Variants in CBFA2T2 observed in about 807,000 individuals in gnomAD.
CBFA2T2 encodes protein CBFA2T2.
A neutral mutation model predicts 62.2 loss-of-function variants in CBFA2T2; 11 were observed. The observed-to-expected ratio is 0.18, with a 90% CI of 0.11 to 0.29. The LOEUF (loss-of-function observed/expected upper bound fraction) is 0.29, where lower values mean the gene tolerates loss of function less well. Among genes scored for constraint, CBFA2T2 ranks in the 10% least tolerant of loss-of-function variants. CBFA2T2 has a pLI of 1.00. For synonymous variants in CBFA2T2, 295 were observed against 287.5 expected (o/e 1.03, Z -0.27); for missense variants, 592 against 774.1 (o/e 0.76, Z 2.79).
chr20:33,551,416 A>G (rs1165002939), intron 1 of CBFA2T2, among the ~76,000 whole-genome samples: 1 of 151,946 alleles, frequency 6.6e-6, no homozygotes, highest in Non-Finnish European at 1.5e-5. Context: ...GGGTTTCTCC[A>G]TGTTAGTCAG....
At chr20:33,554,281 G>A (rs1166659637) in intron 1 of CBFA2T2, among the ~76,000 whole-genome samples, 1 of 138,998 alleles carries the variant, frequency 7.2e-6, no homozygotes, top group African/African-American at 2.6e-5. Context: ...TTCAGACAGT[G>A]TTGCTCTGTC....
At chr20:33,551,936 C>T (rs1045585088) in intron 1 of CBFA2T2, among the ~76,000 whole-genome samples, 4 of 151,540 alleles carry the variant, frequency 2.6e-5, no homozygotes, top group Admixed American at 6.6e-5. Flanking sequence ...TTTCTGCTTA[C>T]GTAAAATTCT....
At chr20:33,504,233 CATGTT>C (rs997774302) in intron 1 of CBFA2T2, among the ~76,000 whole-genome samples, 2 of 151,898 alleles carry the variant, frequency 1.3e-5, no homozygotes, top group African/African-American at 4.8e-5. Context: ...TGTTGAGTAA[CATGTT>C]ATGTTCACCA....
chr20:33,496,005 C>T (rs949567215), intron 1 of CBFA2T2, among the ~76,000 whole-genome samples: 2 of 152,122 alleles, frequency 1.3e-5, no homozygotes, highest in African/African-American at 4.8e-5. Context: ...GGGTCTCAGT[C>T]TAGGAGGGGC....
chr20:33,497,590 G>C (rs1230791401), intron 1 of CBFA2T2, among the ~76,000 whole-genome samples: 2 of 134,508 alleles, frequency 1.5e-5, no homozygotes, highest in African/African-American at 5.7e-5. Flanking sequence ...TCACTCTGTC[G>C]CTAGGCTACA....
chr20:33,504,328 G>T (rs144524418), intron 1 of CBFA2T2, among the ~76,000 whole-genome samples: 180 of 151,698 alleles, frequency 1.2e-3, no homozygotes, highest in African/African-American at 4.1e-3. Flanking sequence ...TCTGCATGTG[G>T]ACATATGTTT....
At chr20:33,600,661 T>C (rs770629803) in intron 1 of CBFA2T2, among the ~76,000 whole-genome samples, 8 of 152,204 alleles carry the variant, frequency 5.3e-5, no homozygotes, top group Non-Finnish European at 1.2e-4. Context: ...GGAGAGCCCA[T>C]GTAGCCTTTC....
At chr20:33,541,501 G>C (rs1349006205) in intron 1 of CBFA2T2, among the ~76,000 whole-genome samples, 1 of 152,218 alleles carries the variant, frequency 6.6e-6, no homozygotes, top group Non-Finnish European at 1.5e-5. Context: ...ATTAGGTCTA[G>C]GGCTTTCTAG....
chr20:33,538,058 G>A (rs1424228405), intron 1 of CBFA2T2, among the ~76,000 whole-genome samples: 1 of 150,986 alleles, frequency 6.6e-6, no homozygotes, highest in African/African-American at 2.4e-5. Flanking sequence ...TCTGTTTGGG[G>A]GAAGAGCTGA....
At chr20:33,638,360 T>C (rs1031950876) in intron 9 of CBFA2T2, among the ~76,000 whole-genome samples, 8 of 152,200 alleles carry the variant, frequency 5.3e-5, no homozygotes, top group African/African-American at 1.9e-4. Flanking sequence ...AGCCCAACTT[T>C]GGTGTTGGGC....
intron 1 of CBFA2T2, among the ~76,000 whole-genome samples, chr20:33,560,901 C>T (rs531692796): frequency 3.0e-4 from 45 of 152,120 alleles, no homozygotes; most frequent in Admixed American, 2.2e-3. Flanking sequence ...TTTTTTGAGA[C>T]GGAGTCTCGC....
chr20:33,600,492 A>G, intron 1 of CBFA2T2: 1 of 416,138 alleles, frequency 2.4e-6, no homozygotes, highest in Non-Finnish European at 4.8e-6. Context: ...CCGGCCTGGA[A>G]ATTCTTACCA....
intron 1 of CBFA2T2, among the ~76,000 whole-genome samples, chr20:33,514,305 C>CT (rs1203127500): frequency 4.1e-5 from 6 of 147,870 alleles, no homozygotes; most frequent in African/African-American, 1.5e-4. Flanking sequence ...ACCTCCACCT[C>CT]TTGGGTTCAA....
intron 1 of CBFA2T2, among the ~76,000 whole-genome samples, chr20:33,527,772 G>A (rs1368790198): frequency 6.6e-6 from 1 of 152,000 alleles, no homozygotes; most frequent in Non-Finnish European, 1.5e-5. Context: ...TCGAATGCCT[G>A]ACCTCAGGTG....
At chr20:33,608,880 C>T (rs1489936572) in intron 2 of CBFA2T2, among the ~76,000 whole-genome samples, 2 of 152,116 alleles carry the variant, frequency 1.3e-5, no homozygotes, top group Non-Finnish European at 2.9e-5. Flanking sequence ...TTTCCAATGG[C>T]AATTGACCTT....
chr20:33,569,095 T>G (rs1446363461), intron 1 of CBFA2T2, among the ~76,000 whole-genome samples: 4 of 152,210 alleles, frequency 2.6e-5, no homozygotes, highest in African/African-American at 9.6e-5. Context: ...ATGGAAAATT[T>G]TAGTCACTGC....
chr20:33,547,668 G>A (rs1450947622), intron 1 of CBFA2T2, among the ~76,000 whole-genome samples: 5 of 150,840 alleles, frequency 3.3e-5, no homozygotes, highest in African/African-American at 9.8e-5. Context: ...GCAACAGAGC[G>A]AGACCCTGTC....
chr20:33,640,351 G>C lies in CBFA2T2; in HGVS notation c.1308G>C (p.Val436=). Residue 436 remains valine, a synonymous_variant, in exon 10 of 11, where the codon GTG becomes GTC. Coordinates refer to ENST00000342704, the MANE Select transcript of CBFA2T2 (RefSeq NM_001032999.3). Reference sequence around the variant, plus strand: ...GTCACTTTCTTCTAGAAGAAGCTGTGAATAAGGTGAAAATTCAGGCCATGT... The same window carrying C: ...GTCACTTTCTTCTAGAAGAAGCTGTCAATAAGGTGAAAATTCAGGCCATGT... The part of the protein sequence containing the change: ...VEFWKKTEEA[V]NKVKIQAMSE... 6.2e-7 allele frequency: 1 copy of C among 1,613,434 alleles called. No homozygotes were observed. The highest frequency in any genetic ancestry group is 8.5e-7 in the Non-Finnish European group (1 of 1,179,480).
intron 1 of CBFA2T2, among the ~76,000 whole-genome samples, chr20:33,495,979 T>C: frequency 6.6e-6 from 1 of 152,180 alleles, no homozygotes; most frequent in Non-Finnish European, 1.5e-5. Flanking sequence ...TGGCTGAGGG[T>C]ATACCATCTG....
Sources: gnomAD v4.1 joint callset for allele counts (sites outside exome capture counted in the v4.1 genomes callset) on GRCh38, gnomAD v4.1.1 for gene constraint, MANE v1.5 for transcripts, NCBI Gene and HGNC (gene_info 2026-07-23, HGNC 2026-07-21) for gene names.